FAM170A: variants seen among roughly 807,000 people sequenced by gnomAD.
FAM170A encodes family with sequence similarity 170 member A.
A neutral mutation model predicts 36.6 loss-of-function variants in FAM170A; 28 were observed. The ratio of observed to expected loss-of-function variants is 0.76; its 90% CI spans 0.57 to 1.05. FAM170A has a LOEUF of 1.05. Ranked by LOEUF, FAM170A falls within the 50% of genes least tolerant of loss-of-function variation. The pLI, the probability that FAM170A is intolerant of heterozygous loss-of-function variation, is 0.00. For synonymous variants in FAM170A, 156 were observed against 143.9 expected (o/e 1.08, Z -0.60); for missense variants, 434 against 396.5 (o/e 1.09, Z -0.80).
intron 1 of FAM170A, among the ~76,000 whole-genome samples, chr5:119,631,841 A>G (rs1420598631): frequency 6.6e-6 from 1 of 152,076 alleles, no homozygotes; most frequent in Non-Finnish European, 1.5e-5. Context: ...TCTGCAACAC[A>G]TTGTGTAGCA....
At chr5:119,633,896 T>A in intron 2 of FAM170A, 64 bp from the exon 3 acceptor site, 2 of 1,548,096 alleles carry the variant, frequency 1.3e-6, no homozygotes, top group Non-Finnish European at 1.7e-6. Context: ...CATATTTAAC[T>A]TACGTTCCCT....
At chr5:119,630,082 G>A (rs567789047) in intron 1 of FAM170A, among the ~76,000 whole-genome samples, 99 of 146,546 alleles carry the variant, frequency 6.8e-4, no homozygotes, top group African/African-American at 1.8e-3. Context: ...TAGTAGAGAC[G>A]GGGTTTCACC....
chr5:119,635,217 T>G lies in FAM170A; in HGVS notation c.*52+131T>G, dbSNP rs7735876. ...CCACATCAACTTATCGTGCACCTGG[T>G]GCTTCTGGGGGAATTGTCCTCCATT... On this transcript the variant is annotated intron_variant, in intron 4 of 4. Transcript: ENST00000613773. 940 of 641,324 alleles carry G rather than the reference T, an allele frequency of 1.5e-3. 3 individuals carry two copies. Among genetic ancestry groups the G allele is most frequent in the South Asian group, 5.6e-3 (307 of 54,970 alleles). 39.7% of individuals were successfully genotyped at this position (641,324 alleles called of 1,614,324 possible).
intron 1 of FAM170A, 45 bp from the exon 2 acceptor site, chr5:119,632,703 C>T (rs1351018978): frequency 1.3e-6 from 2 of 1,483,878 alleles, no homozygotes; most frequent in African/African-American, 1.4e-5. Context: ...GATGCACAAA[C>T]ATTACCCATC....
chr5:119,634,486 T>C (rs1249827941), exon 3 of FAM170A: 5 of 1,614,142 alleles, frequency 3.1e-6, no homozygotes, highest in Admixed American at 3.3e-5. Flanking sequence ...TCCAGGAGCA[T>C]GTGCAGTTTG....
At chr5:119,634,435 G>T in exon 3 of FAM170A, 1 of 1,614,146 alleles carries the variant, frequency 6.2e-7, no homozygotes, top group Non-Finnish European at 8.5e-7. Context: ...ACGGCTTCAG[G>T]TGCATGGCCT....
rs1691317122 is a variant in FAM170A, at chr5:119,631,409, G to A, written c.71-1339G>A. Among the ~76,000 whole-genome samples, 3 of 152,062 alleles carry A rather than the reference G, an allele frequency of 2.0e-5. No homozygotes were observed. The South Asian group carries it at 6.2e-4, about 32-fold the overall frequency. ...TCTGCCTGTGTGTGTGTCTGTGTGT[G>A]CACATGTGTGTGTGTGTTGGGAGGG... is the stretch of plus-strand genomic sequence containing the variant. On this transcript the variant is annotated intron_variant, in intron 1 of 4. Transcript: ENST00000613773.
In FAM170A at chr5:119,631,881, C is replaced by T. The variant is rs147912536; in HGVS notation, c.71-867C>T. On this transcript the variant is annotated intron_variant, in intron 1 of 4. Coordinates refer to ENST00000613773, the Ensembl canonical transcript of FAM170A. ...CAGGCCTGCTTTGCATAGACCACAA[C>T]GAAACAAAGATTCACCACCATCCCC... 3.6e-3 allele frequency among the ~76,000 whole-genome samples: 555 copies of T among 152,232 alleles called. 4 individuals carry two copies. The highest frequency in any genetic ancestry group is 0.013 in the African/African-American group (535 of 41,540).
At chr5:119,630,333 T>G (rs199932806) in intron 1 of FAM170A, among the ~76,000 whole-genome samples, 54,942 of 140,596 alleles carry the variant, frequency 0.39, 11,140 homozygotes, top group Middle Eastern at 0.46. Flanking sequence ...TTTTTTTTTT[T>G]TTTTTTTTTT....
chr5:119,632,440 C>T (rs1477546405), intron 1 of FAM170A, among the ~76,000 whole-genome samples: 1 of 152,206 alleles, frequency 6.6e-6, no homozygotes, highest in Non-Finnish European at 1.5e-5. Flanking sequence ...TCCACAGACA[C>T]AGACACATGT....
exon 1 of FAM170A, chr5:119,629,714 G>T: frequency 7.1e-7 from 1 of 1,398,786 alleles, no homozygotes; most frequent in South Asian, 1.2e-5. Context: ...CAATCTACAG[G>T]AAAAAGTGGG....
chr5:119,630,912 C>G (rs1259668114), intron 1 of FAM170A, among the ~76,000 whole-genome samples: 1 of 152,144 alleles, frequency 6.6e-6, no homozygotes, highest in Non-Finnish European at 1.5e-5. Context: ...AAGTGAAATG[C>G]TTGTTAGAAA....
At chr5:119,632,097 A>G (rs1756265955) in intron 1 of FAM170A, among the ~76,000 whole-genome samples, 1 of 152,236 alleles carries the variant, frequency 6.6e-6, no homozygotes, top group South Asian at 2.1e-4. Context: ...TCTAAAATTC[A>G]AATTTAACTT....
intron 1 of FAM170A, among the ~76,000 whole-genome samples, chr5:119,632,050 G>A (rs535243524): frequency 1.3e-5 from 2 of 152,148 alleles, no homozygotes; most frequent in East Asian, 1.9e-4. Flanking sequence ...AATATTGCAC[G>A]GGACATACTT....
Position 119,633,954 on chromosome 5 carries a change from TC to T in FAM170A, c.212-3del. The T allele has an allele frequency of 6.2e-7, 1 of 1,601,988 alleles. No individual in the cohort carries two copies. The highest frequency in any genetic ancestry group is 2.2e-5 in the East Asian group (1 of 44,660). On this transcript the variant is annotated splice_polypyrimidine_tract_variant and splice_region_variant and intron_variant, in intron 2 of 4. Transcript: ENST00000613773. ...ATCTGCTCATGTTTCTAATTTCCTT[TC>T]CCAGGAATCCAGAGAATACATCGAG...
intron 1 of FAM170A, among the ~76,000 whole-genome samples, chr5:119,632,528 C>A (rs1462946281): frequency 6.6e-6 from 1 of 152,226 alleles, no homozygotes; most frequent in Admixed American, 6.5e-5. Context: ...CAGACGTACT[C>A]ATAGTCACCA....
chr5:119,632,279 G>T (rs576183969), intron 1 of FAM170A, among the ~76,000 whole-genome samples: 2 of 152,176 alleles, frequency 1.3e-5, no homozygotes, highest in Non-Finnish European at 2.9e-5. Flanking sequence ...TAGAAGAGTG[G>T]ACTGGTGTCT....
intron 1 of FAM170A, among the ~76,000 whole-genome samples, chr5:119,631,988 G>A (rs1414104955): frequency 6.6e-6 from 1 of 152,152 alleles, no homozygotes; most frequent in African/African-American, 2.4e-5. Flanking sequence ...TTTAGTATAA[G>A]TGTGTCCCAA....
chr5:119,632,823 G>A (rs1400838722), exon 2 of FAM170A: 23 of 1,612,990 alleles, frequency 1.4e-5, no homozygotes, highest in Non-Finnish European at 2.0e-5. Context: ...CAAGGGGTGG[G>A]AGAAGTTACT....
Sources: gnomAD v4.1 joint callset for allele counts (sites outside exome capture counted in the v4.1 genomes callset) on GRCh38, gnomAD v4.1.1 for gene constraint, MANE v1.5 for transcripts, NCBI Gene and HGNC (gene_info 2026-07-23, HGNC 2026-07-21) for gene names.